HIP1: variants seen among roughly 807,000 people sequenced by gnomAD.
HIP1 encodes huntingtin-interacting protein 1.
Under a neutral mutation model 147.6 loss-of-function variants are expected in HIP1, and 65 were observed. The observed-to-expected ratio is 0.44, with a 90% CI of 0.36 to 0.54. The LOEUF (loss-of-function observed/expected upper bound fraction) is 0.54. HIP1 is among the 20% of genes least tolerant of loss of function. The probability of loss-of-function intolerance (pLI) is 0.00; values close to 1 mark genes in which losing one functional copy is unlikely to be tolerated. For missense variants in HIP1, 1,061 were observed against 1,299.6 expected (o/e 0.82, Z 2.82); for synonymous variants, 479 against 504.0 (o/e 0.95, Z 0.67).
chr7:75,614,774 A>G (rs781886498), intron 1 of HIP1, among the ~76,000 whole-genome samples: 3 of 151,312 alleles, frequency 2.0e-5, no homozygotes, highest in Non-Finnish European at 2.9e-5. Flanking sequence ...TGAGAAACTG[A>G]TTTTTTTTTC....
Position 75,599,214 on chromosome 7 carries a change from C to A in HIP1, c.154G>T (p.Glu52Ter), listed in dbSNP as rs782224108. 4 of 1,613,534 alleles carry A rather than the reference C, an allele frequency of 2.5e-6. No individual in the cohort carries two copies. Among genetic ancestry groups the A allele is most frequent in the Non-Finnish European group, 2.5e-6 (3 of 1,179,468 alleles). ...GCGTGTTTTTCCTTTACAGCCACTT[C>A]CTGCGTATTAATGGCCTTATTGATG... is the stretch of plus-strand genomic sequence containing the variant. The part of the protein sequence containing the change: ...VSINKAINTQ[E>*]VAVKEKHART... Residue 52 changes from glutamate (E) to a stop codon, truncating the protein, a stop_gained, in exon 2 of 31, where the codon GAA becomes TAA. Transcript: ENST00000336926. LOFTEE classifies it high-confidence loss of function.
intron 1 of HIP1, among the ~76,000 whole-genome samples, chr7:75,643,057 T>G (rs529980373): frequency 2.0e-5 from 3 of 152,334 alleles, no homozygotes; most frequent in Non-Finnish European, 4.4e-5. Flanking sequence ...GGGCGTGTCT[T>G]GGTAGAGGCT....
intron 1 of HIP1, among the ~76,000 whole-genome samples, chr7:75,690,304 G>A (rs1247198836): frequency 7.9e-5 from 12 of 151,706 alleles, no homozygotes; most frequent in Admixed American, 7.9e-4. Context: ...AAAAGGTAAA[G>A]GACTTGAATA....
intron 1 of HIP1, among the ~76,000 whole-genome samples, chr7:75,641,368 C>T (rs1798647611): frequency 6.6e-6 from 1 of 152,160 alleles, no homozygotes; most frequent in East Asian, 1.9e-4. Flanking sequence ...AGCAATCCAC[C>T]TGTCTCAGCC....
intron 1 of HIP1, among the ~76,000 whole-genome samples, chr7:75,647,981 G>C (rs1281203477): frequency 2.0e-5 from 3 of 152,256 alleles, no homozygotes; most frequent in Non-Finnish European, 4.4e-5. Flanking sequence ...AGCTGGGCAG[G>C]GAGTTCCAGC....
chr7:75,541,866 G>T, intron 29 of HIP1, 53 bp downstream of exon 29: 1 of 1,282,088 alleles, frequency 7.8e-7, no homozygotes. Flanking sequence ...ATAATATTCA[G>T]AGTCCATGTC....
chr7:75,563,238 T>A lies in HIP1; in HGVS notation c.829A>T (p.Ser277Cys), dbSNP rs1250202402. ...TKLKDLFYRS[S>C]NLQYFKRLIQ... ...AGCCGCTTGAAGTACTGCAGGTTGC[T>A]GGAGCGGTAGAACAGATCTTTCAAC... is the stretch of plus-strand genomic sequence containing the variant. The change falls in exon 10 of 31, where the codon AGC becomes TGC. Residue 277 changes from serine (S) to cysteine (C), a missense_variant. Coordinates refer to ENST00000336926, the MANE Select transcript of HIP1 (RefSeq NM_005338.7). 4.3e-6 allele frequency: 7 copies of A among 1,614,090 alleles called. No individual in the cohort carries two copies. The highest frequency in any genetic ancestry group is 3.3e-5 in the Admixed American group (2 of 60,002).
chr7:75,540,926 A>C (rs2116725190), intron 29 of HIP1, among the ~76,000 whole-genome samples: 1 of 152,284 alleles, frequency 6.6e-6, no homozygotes, highest in Non-Finnish European at 1.5e-5. Flanking sequence ...GATCCTGGAT[A>C]ACATGTAAAG....
chr7:75,633,151 T>C (rs905357266), intron 1 of HIP1, among the ~76,000 whole-genome samples: 11 of 151,930 alleles, frequency 7.2e-5, no homozygotes, highest in Middle Eastern at 6.3e-3. Context: ...AACTTAAAAG[T>C]TGAAGAAAAA....
intron 2 of HIP1, 37 bp downstream of exon 2, chr7:75,599,147 T>A (rs1554502505): frequency 6.5e-7 from 1 of 1,545,318 alleles, no homozygotes; most frequent in Non-Finnish European, 8.9e-7. Context: ...CTGACCTCCC[T>A]CAGGGTCGGT....
chr7:75,563,133 A>G (rs1269716877), intron 10 of HIP1, 55 bp downstream of exon 10: 9 of 1,614,016 alleles, frequency 5.6e-6, no homozygotes, highest in Non-Finnish European at 7.6e-6. Context: ...GCCGGCCCTT[A>G]AGAGAGTACC....
intron 1 of HIP1, among the ~76,000 whole-genome samples, chr7:75,681,497 CTTTT>C (rs10546838): frequency 0.018 from 2,272 of 124,296 alleles, 89 homozygotes; most frequent in African/African-American, 0.063. Context: ...ACAGCACCTG[CTTTT>C]TTTTTTTTTT....
intron 5 of HIP1, among the ~76,000 whole-genome samples, chr7:75,586,170 A>G (rs1554499598): frequency 6.6e-6 from 1 of 151,836 alleles, no homozygotes; most frequent in African/African-American, 2.4e-5. Context: ...TCATAAGGCA[A>G]TATAGTGCCT....
intron 13 of HIP1, 112 bp downstream of exon 13, chr7:75,561,217 G>A: frequency 1.2e-6 from 1 of 851,374 alleles, no homozygotes; most frequent in South Asian, 1.4e-5. Context: ...GCCTCCCAAA[G>A]TGCTAGGATT....
chr7:75,707,632 G>C (rs537170684), intron 1 of HIP1, among the ~76,000 whole-genome samples: 1 of 151,070 alleles, frequency 6.6e-6, no homozygotes, highest in Non-Finnish European at 1.5e-5. Flanking sequence ...AAAAGAGCCC[G>C]CATCGCCAAG....
At chr7:75,544,115 T>C (rs1429847537) in intron 27 of HIP1, among the ~76,000 whole-genome samples, 1 of 140,232 alleles carries the variant, frequency 7.1e-6, no homozygotes, top group Non-Finnish European at 1.5e-5. Flanking sequence ...GAGGTTGCAG[T>C]GAGCTGAGAT....
chr7:75,546,369 T>C (rs1308262015), intron 25 of HIP1, among the ~76,000 whole-genome samples: 1 of 152,234 alleles, frequency 6.6e-6, no homozygotes, highest in Non-Finnish European at 1.5e-5. Context: ...CAGGCCTGGC[T>C]GCTTGCTTTA....
chr7:75,539,214 G>T, intron 30 of HIP1, 109 bp downstream of exon 30: 2 of 721,750 alleles, frequency 2.8e-6, no homozygotes, highest in Non-Finnish European at 2.5e-6. Flanking sequence ...GAAGGAAGAA[G>T]CCACCGATCT....
intron 1 of HIP1, among the ~76,000 whole-genome samples, chr7:75,725,866 A>C (rs1185762687): frequency 7.2e-6 from 1 of 138,868 alleles, no homozygotes; most frequent in Non-Finnish European, 1.5e-5. Context: ...TCTGTTGCCC[A>C]GGCTGGAGTG....
Sources: allele counts gnomAD v4.1 joint callset (sites outside exome capture counted in the v4.1 genomes callset), GRCh38; gene constraint gnomAD v4.1.1; transcripts MANE v1.5; gene names NCBI Gene and HGNC (gene_info 2026-07-23, HGNC 2026-07-21).